Variants in EXOC6B observed in about 807,000 individuals in gnomAD.
EXOC6B encodes the protein exocyst complex component 6B.
A neutral mutation model predicts 113.5 loss-of-function variants in EXOC6B; 54 were observed. The ratio of observed to expected loss-of-function variants is 0.48; its 90% CI spans 0.38 to 0.60. The LOEUF is 0.60. EXOC6B is among the 20% of genes least tolerant of loss of function. EXOC6B has a pLI of 0.00. For synonymous variants in EXOC6B, 357 were observed against 339.0 expected, an observed-to-expected ratio of 1.05 and a Z score of -0.58; for missense variants, 797 against 977.5, an observed-to-expected ratio of 0.82 and a Z score of 2.46.
At chr2:72,180,382 C>T (rs1678004692) in intron 21 of EXOC6B, among the ~76,000 whole-genome samples, 1 of 152,200 alleles carries the variant, frequency 6.6e-6, no homozygotes, top group Non-Finnish European at 1.5e-5. Flanking sequence ...TGACAGAATT[C>T]AGGAATCTGC....
intron 6 of EXOC6B, among the ~76,000 whole-genome samples, chr2:72,578,076 C>T (rs1385950430): frequency 3.3e-5 from 5 of 152,062 alleles, no homozygotes; most frequent in African/African-American, 1.2e-4. Context: ...TCTCTCAAAT[C>T]ACTCTTTCTA....
chr2:72,493,477 A>G (rs1373738761), intron 15 of EXOC6B, among the ~76,000 whole-genome samples: 1 of 151,928 alleles, frequency 6.6e-6, no homozygotes, highest in Non-Finnish European at 1.5e-5. Flanking sequence ...AAAAAAAACC[A>G]TATCAGAAGT....
intron 1 of EXOC6B, among the ~76,000 whole-genome samples, chr2:72,805,551 G>A (rs1265632252): frequency 6.6e-6 from 1 of 152,096 alleles, no homozygotes; most frequent in Non-Finnish European, 1.5e-5. Flanking sequence ...TATACAACAT[G>A]ATGTTTTGAT....
chr2:72,694,000 C>T (rs1038458750), intron 6 of EXOC6B, among the ~76,000 whole-genome samples: 3 of 152,152 alleles, frequency 2.0e-5, no homozygotes, highest in Non-Finnish European at 2.9e-5. Context: ...ACATGAGATA[C>T]TAATGTTGTC....
intron 20 of EXOC6B, among the ~76,000 whole-genome samples, chr2:72,284,259 T>G (rs1685296470): frequency 6.6e-6 from 1 of 152,068 alleles, no homozygotes; most frequent in South Asian, 2.1e-4. Context: ...CAACAATGTA[T>G]AAAAGAATCG....
At chr2:72,821,590 A>G (rs1686584636) in intron 1 of EXOC6B, among the ~76,000 whole-genome samples, 1 of 152,186 alleles carries the variant, frequency 6.6e-6, no homozygotes. Context: ...ACTGATGAAC[A>G]AATAAAATGT....
At chr2:72,291,219 T>C (rs1212406410) in intron 20 of EXOC6B, among the ~76,000 whole-genome samples, 3 of 152,238 alleles carry the variant, frequency 2.0e-5, no homozygotes, top group Admixed American at 6.5e-5. Context: ...AGTTTCTTGA[T>C]TGTTGATCCA....
chr2:72,415,415 T>C (rs958112444), intron 18 of EXOC6B, among the ~76,000 whole-genome samples: 6 of 151,720 alleles, frequency 4.0e-5, no homozygotes, highest in South Asian at 4.2e-4. Flanking sequence ...TCTTCATAGA[T>C]AAAACAAACA....
chr2:72,463,212 C>A (rs1056184506), intron 18 of EXOC6B: 2 of 151,928 alleles, frequency 1.3e-5, no homozygotes, highest in Non-Finnish European at 2.9e-5. Context: ...TACTTTTATC[C>A]ATAATTGTGA....
intron 6 of EXOC6B, among the ~76,000 whole-genome samples, chr2:72,608,608 C>T (rs1670886548): frequency 6.6e-6 from 1 of 152,054 alleles, no homozygotes. Flanking sequence ...TTTAGGGCTA[C>T]TTTCCATTCA....
At chr2:72,515,321 TA>T in intron 8 of EXOC6B, 195 bp from the exon 9 acceptor site, 1 of 887,368 alleles carries the variant, frequency 1.1e-6, no homozygotes, top group Non-Finnish European at 1.7e-6. Flanking sequence ...TACAAACCTG[TA>T]AGGATGTGTA....
At chr2:72,696,244 A>G (rs1393151111) in intron 6 of EXOC6B, among the ~76,000 whole-genome samples, 1 of 152,226 alleles carries the variant, frequency 6.6e-6, no homozygotes, top group Non-Finnish European at 1.5e-5. Context: ...TCAGATAAAT[A>G]AAACTAGATT....
At chr2:72,272,226 T>C (rs1684536379) in intron 20 of EXOC6B, among the ~76,000 whole-genome samples, 1 of 152,150 alleles carries the variant, frequency 6.6e-6, no homozygotes, top group Non-Finnish European at 1.5e-5. Context: ...AAGTGCCCAA[T>C]GTTTGCAGGA....
At chr2:72,705,307 G>A (rs1678774118) in intron 6 of EXOC6B, among the ~76,000 whole-genome samples, 1 of 152,042 alleles carries the variant, frequency 6.6e-6, no homozygotes, top group African/African-American at 2.4e-5. Context: ...CAATAAATTA[G>A]GTATTGATGG....
Position 72,401,625 on chromosome 2 carries a change from A to G in EXOC6B, c.1981-21755T>C, listed in dbSNP as rs1372322639. Among the ~76,000 whole-genome samples, 19 of 46,070 alleles carry G rather than the reference A, an allele frequency of 4.1e-4. 1 individual carries two copies. Among genetic ancestry groups the G allele is most frequent in the Admixed American group, 5.6e-4 (2 of 3,564 alleles). 30.2% of individuals were successfully genotyped at this position (46,070 alleles called of 152,430 possible). On this transcript the variant is annotated intron_variant, in intron 18 of 21. Transcript: ENST00000272427. ...TATGTGTATATATATATATATACAT[A>G]TATATATATATACATATATACATAT...
chr2:72,413,126 GT>G (rs952098106), intron 18 of EXOC6B, among the ~76,000 whole-genome samples: 1 of 151,360 alleles, frequency 6.6e-6, no homozygotes. Flanking sequence ...GCCCGGCGAA[GT>G]TTTTTTTGTA....
At chr2:72,668,230 G>A (rs1675534935) in intron 6 of EXOC6B, among the ~76,000 whole-genome samples, 1 of 152,148 alleles carries the variant, frequency 6.6e-6, no homozygotes, top group African/African-American at 2.4e-5. Context: ...CGACACATTA[G>A]TCAGAATGGC....
At chr2:72,593,896 T>C (rs1341522141) in intron 6 of EXOC6B, among the ~76,000 whole-genome samples, 2 of 152,314 alleles carry the variant, frequency 1.3e-5, no homozygotes, top group East Asian at 3.9e-4. Flanking sequence ...AAATGGAACA[T>C]GTAGATAAAA....
intron 6 of EXOC6B, among the ~76,000 whole-genome samples, chr2:72,669,725 A>T (rs968721786): frequency 1.1e-4 from 17 of 152,224 alleles, no homozygotes; most frequent in African/African-American, 4.1e-4. Flanking sequence ...AACGCGTGGA[A>T]GTTGTTTTAT....
Sources: allele counts gnomAD v4.1 joint callset (sites outside exome capture counted in the v4.1 genomes callset), GRCh38; gene constraint gnomAD v4.1.1; transcripts MANE v1.5; gene names NCBI Gene and HGNC (gene_info 2026-07-23, HGNC 2026-07-21).